RTL10: variants seen among roughly 807,000 people sequenced by gnomAD.
RTL10 encodes protein Bop.
For synonymous variants in RTL10, 199 were observed against 188.4 expected (o/e 1.06, Z -0.46); for missense variants, 477 against 470.7 (o/e 1.01, Z -0.12).
rs916772369 is a variant in RTL10, at chr22:19,846,541, G to A, written c.*4626C>T. On this transcript the variant is annotated 3_prime_UTR_variant, in exon 3 of 3. Transcript: ENST00000328554. ...ATATAGCGCTGCCAGGAACAGCAAAGACAAAACCAGAGAAGCCTATCGCGG... is the reference window on the plus strand; with the variant it reads ...ATATAGCGCTGCCAGGAACAGCAAAAACAAAACCAGAGAAGCCTATCGCGG... 2.0e-6 allele frequency: 2 copies of A among 985,402 alleles called. No homozygotes were observed. Among genetic ancestry groups the A allele is most frequent in the Non-Finnish European group, 2.4e-6 (2 of 829,986 alleles). 61.0% of individuals were successfully genotyped at this position (985,402 alleles called of 1,614,324 possible).
At position 19,846,850 on chromosome 22, in the gene RTL10, T is replaced by G; in HGVS notation, c.*4317A>C. 1.4e-5 allele frequency: 12 copies of G among 880,044 alleles called. No homozygotes were observed. Among genetic ancestry groups the G allele is most frequent in the East Asian group, 1.2e-4 (1 of 8,320 alleles). The allele number at this position is 880,044 out of a possible 1,614,324, so 54.5% of individuals were successfully genotyped here. ...TCTCAGGCTTCTAGCTCCAGAATCA[T>G]GAGGAAATGTCTGTTGTTTAAGTCC... On this transcript the variant is annotated 3_prime_UTR_variant, in exon 3 of 3. Coordinates refer to ENST00000328554, the MANE Select transcript of RTL10 (RefSeq NM_024627.6).
rs182295773 is a variant in RTL10, at chr22:19,851,718, G to C, written c.544C>G (p.Pro182Ala). The C allele has an allele frequency of 1.9e-6, 3 of 1,604,286 alleles. No homozygotes were observed. The highest frequency in any genetic ancestry group is 2.6e-6 in the Non-Finnish European group (3 of 1,173,104). ...GCATGGTACTCAGCAAAACTGTTCGGGTCTTGAACAACTTCCTTGAGATCC... is the reference window on the plus strand; with the variant it reads ...GCATGGTACTCAGCAAAACTGTTCGCGTCTTGAACAACTTCCTTGAGATCC... ...CQDLKEVVQD[P>A]NSFAEYHAVV... is the part of the protein sequence containing the mutation. Residue 182 changes from proline to alanine, a missense_variant, in exon 3 of 3, where the codon CCG becomes GCG. Coordinates refer to ENST00000328554, the MANE Select transcript of RTL10 (RefSeq NM_024627.6).
In RTL10 at chr22:19,851,310, G is replaced by A; in HGVS notation, c.952C>T (p.His318Tyr). The A allele has an allele frequency of 6.2e-7, 1 of 1,614,084 alleles. No individual in the cohort carries two copies. The highest frequency in any genetic ancestry group is 8.5e-7 in the Non-Finnish European group (1 of 1,179,982). ...TTCTGGGGTTTTGGACCTCCTGGAT[G>A]AGCTGGGTCTGGTCTCTGGGCAGGA... is the stretch of plus-strand genomic sequence containing the variant. ...NPPAQRPDPAHPGGPKPQKTE... is the reference protein window; with the variant it reads ...NPPAQRPDPAYPGGPKPQKTE... The change falls in exon 3 of 3, where the codon CAT becomes TAT. Residue 318 changes from histidine (H) to tyrosine (Y), a missense_variant. His to Tyr is a moderately conservative substitution (Grantham distance 83). Transcript: ENST00000328554.
chr22:19,847,190 G>C lies in RTL10; in HGVS notation c.*3977C>G. On this transcript the variant is annotated 3_prime_UTR_variant, in exon 3 of 3. Coordinates refer to ENST00000328554, the MANE Select transcript of RTL10 (RefSeq NM_024627.6). ...ATGGAGAAATATGTCCAGGTAGGCTGTCGTCAGCACAGGTCTGACAGGCCC... is the reference window on the plus strand; with the variant it reads ...ATGGAGAAATATGTCCAGGTAGGCTCTCGTCAGCACAGGTCTGACAGGCCC... 1 of 985,444 alleles carries C rather than the reference G, an allele frequency of 1.0e-6. No individual in the cohort carries two copies. The highest frequency in any genetic ancestry group is 1.2e-6 in the Non-Finnish European group (1 of 829,948). 61.0% of individuals were successfully genotyped at this position (985,444 alleles called of 1,614,324 possible).
At position 19,851,225 on chromosome 22, in the gene RTL10, TG is replaced by T. The variant is rs1938087513; in HGVS notation, c.1036del (p.Gln346ArgfsTer39). The part of the protein sequence containing the change: ...GDQEVSLGTP[Q>X]EVVEAPETPG... Reference sequence around the variant, plus strand: ...GGTCTCCGGGGCCTCCACCACCTCCTGTGGGGTACCTAAGGACACCTCCTGG... The same window carrying T: ...GGTCTCCGGGGCCTCCACCACCTCCTTGGGGTACCTAAGGACACCTCCTGG... On this transcript the variant is annotated frameshift_variant, in exon 3 of 3. Coordinates refer to ENST00000328554, the MANE Select transcript of RTL10 (RefSeq NM_024627.6). LOFTEE classifies it low-confidence loss of function (END_TRUNC). 1.3e-6 allele frequency: 2 copies of T among 1,599,616 alleles called. No homozygotes were observed. The highest frequency in any genetic ancestry group is 2.7e-5 in the African/African-American group (2 of 74,768).
In RTL10 at chr22:19,851,614, T is replaced by A. The variant is rs1480336303; in HGVS notation, c.648A>T (p.Leu216Phe). Residue 216 changes from leucine to phenylalanine, a missense_variant, in exon 3 of 3, where the codon TTA becomes TTT. By Grantham distance (22) the Leu-to-Phe change is conservative. Transcript: ENST00000328554. ...APQLPVVRQYLARFLEGLALD... is the reference protein window; with the variant it reads ...APQLPVVRQYFARFLEGLALD... ...GTGCCAGGCCCTCTAAGAACCTAGC[T>A]AAGTATTGCCTCACCACAGGCAGCT... 1.9e-6 allele frequency: 3 copies of A among 1,595,686 alleles called. No individual in the cohort carries two copies. Among genetic ancestry groups the A allele is most frequent in the Non-Finnish European group, 1.7e-6 (2 of 1,169,350 alleles).
In RTL10 at chr22:19,854,828, C is replaced by G. The variant is rs1005407672; in HGVS notation, c.-491G>C. 6.6e-6 allele frequency: 1 copy of G among 152,288 alleles called. No homozygotes were observed. Among genetic ancestry groups the G allele is most frequent in the African/African-American group, 2.4e-5 (1 of 41,458 alleles). 9.4% of individuals were successfully genotyped at this position (152,288 alleles called of 1,614,324 possible). On this transcript the variant is annotated 5_prime_UTR_variant, in exon 1 of 3. Coordinates refer to ENST00000328554, the MANE Select transcript of RTL10 (RefSeq NM_024627.6). Reference sequence around the variant, plus strand: ...CCCGCCTCCACACTGACCCTCTTGCCGGAGTCGGGAACGCCTGCTCCTAGG... The same window carrying G: ...CCCGCCTCCACACTGACCCTCTTGCGGGAGTCGGGAACGCCTGCTCCTAGG...
rs764831070 is a variant in RTL10 at position 19,852,299 on chromosome 22, T to C, written c.-38A>G. 1 of 1,564,336 alleles carries C rather than the reference T, an allele frequency of 6.4e-7. No individual in the cohort carries two copies. The highest frequency in any genetic ancestry group is 8.7e-7 in the Non-Finnish European group (1 of 1,151,920). On this transcript the variant is annotated 5_prime_UTR_variant, in exon 3 of 3. Transcript: ENST00000328554. ...GGGGAGAAGAGAGGAGAGCCAGCACTGGTGGGTGGTGGGGGTGTGGACAGA... is the reference window on the plus strand; with the variant it reads ...GGGGAGAAGAGAGGAGAGCCAGCACCGGTGGGTGGTGGGGGTGTGGACAGA...
At position 19,850,724 on chromosome 22, in the gene RTL10, A is replaced by G; in HGVS notation, c.*443T>C. 8.1e-7 allele frequency: 1 copy of G among 1,236,922 alleles called. No individual in the cohort carries two copies. Among genetic ancestry groups the G allele is most frequent in the Non-Finnish European group, 1.0e-6 (1 of 991,828 alleles). 76.6% of individuals were successfully genotyped at this position (1,236,922 alleles called of 1,614,324 possible). A position where few individuals can be genotyped will look rare whatever the true frequency, so the allele number is the denominator to read the frequency against. ...AGAGGGTGGGGCTAGGGGGACAGAC[A>G]CAGAAACCCCATACAGGAACGAGGT... On this transcript the variant is annotated 3_prime_UTR_variant, in exon 3 of 3. Coordinates refer to ENST00000328554, the MANE Select transcript of RTL10 (RefSeq NM_024627.6).
chr22:19,846,875 C>T lies in RTL10; in HGVS notation c.*4292G>A, dbSNP rs1937974220. The T allele has an allele frequency of 2.1e-6, 2 of 948,830 alleles. No homozygotes were observed. Among genetic ancestry groups the T allele is most frequent in the African/African-American group, 1.8e-5 (1 of 56,618 alleles). 58.8% of individuals were successfully genotyped at this position (948,830 alleles called of 1,614,324 possible). A position where few individuals can be genotyped will look rare whatever the true frequency, so the allele number is the denominator to read the frequency against. On this transcript the variant is annotated 3_prime_UTR_variant, in exon 3 of 3. Transcript: ENST00000328554. ...TGAGGAAATGTCTGTTGTTTAAGTC[C>T]CCTAGCCTGCGGTCCTTTGTCAGGC...
At chr22:19,853,004 G>A (rs1197265161) in intron 2 of RTL10, among the ~76,000 whole-genome samples, 3 of 152,156 alleles carry the variant, frequency 2.0e-5, no homozygotes, top group African/African-American at 4.8e-5. Context: ...CGCACAGACC[G>A]CGTCGTCATT....
In RTL10 at chr22:19,850,224, G is replaced by A. The variant is rs1743374180; in HGVS notation, c.*943C>T. 1.0e-6 allele frequency: 1 copy of A among 985,730 alleles called. No homozygotes were observed. Among genetic ancestry groups the A allele is most frequent in the Non-Finnish European group, 1.2e-6 (1 of 830,176 alleles). The allele number at this position is 985,730 out of a possible 1,614,324, so 61.1% of individuals were successfully genotyped here. A position where few individuals can be genotyped will look rare whatever the true frequency, so the allele number is the denominator to read the frequency against. Reference sequence around the variant, plus strand: ...AAAGACTTGCTGGTAGGCAGCCACTGCACCACCTCAGCCAGTAATCCAACA... The same window carrying A: ...AAAGACTTGCTGGTAGGCAGCCACTACACCACCTCAGCCAGTAATCCAACA... On this transcript the variant is annotated 3_prime_UTR_variant, in exon 3 of 3. Transcript: ENST00000328554.
intron 1 of RTL10, 26 bp from the exon 2 acceptor site, chr22:19,854,565 C>T (rs1432046807): frequency 6.5e-6 from 1 of 152,758 alleles, no homozygotes; most frequent in Non-Finnish European, 1.5e-5. Context: ...CGAGATCGGC[C>T]GCCGTGAGGC....
At position 19,846,401 on chromosome 22, in the gene RTL10, C is replaced by A; in HGVS notation, c.*4766G>T. ...CAGCATCCCATACAGCACAACTGGG[C>A]ACTGCCTACTCAACAGCCAAGGCTT... On this transcript the variant is annotated 3_prime_UTR_variant, in exon 3 of 3. Transcript: ENST00000328554. 1.0e-6 allele frequency: 1 copy of A among 984,456 alleles called. No homozygotes were observed. Among genetic ancestry groups the A allele is most frequent in the Non-Finnish European group, 1.2e-6 (1 of 829,032 alleles). 61.0% of individuals were successfully genotyped at this position (984,456 alleles called of 1,614,324 possible).
chr22:19,852,631 G>T, intron 2 of RTL10, 145 bp from the exon 3 acceptor site: 1 of 258,092 alleles, frequency 3.9e-6, no homozygotes. Context: ...GCTGGCCTGG[G>T]AGGTCTGAGG....
At position 19,852,002 on chromosome 22, in the gene RTL10, GGCATGTGCCCAGCTAGGGGACCCCTTTCT is replaced by G. The variant is rs749210247; in HGVS notation, c.231_259del (p.Glu78GlnfsTer21). On this transcript the variant is annotated frameshift_variant, in exon 3 of 3. Coordinates refer to ENST00000328554, the MANE Select transcript of RTL10 (RefSeq NM_024627.6). LOFTEE classifies it low-confidence loss of function (END_TRUNC). Reference sequence around the variant, plus strand: ...GTCCACCCTGTGGGGTCGGGAGCTGGGCATGTGCCCAGCTAGGGGACCCCTTTCTGCAGGTTTACCGCCACAAGTGCCAC... The same window carrying G: ...GTCCACCCTGTGGGGTCGGGAGCTGGGCAGGTTTACCGCCACAAGTGCCAC... 6 of 1,614,078 alleles carry G rather than the reference GGCATGTGCCCAGCTAGGGGACCCCTTTCT, an allele frequency of 3.7e-6. No individual in the cohort carries two copies. The Admixed American group carries it at 6.7e-5, about 18-fold the overall frequency.
Position 19,846,885 on chromosome 22 carries a change from C to T in RTL10, c.*4282G>A, listed in dbSNP as rs140274785. On this transcript the variant is annotated 3_prime_UTR_variant, in exon 3 of 3. Coordinates refer to ENST00000328554, the MANE Select transcript of RTL10 (RefSeq NM_024627.6). ...TCTGTTGTTTAAGTCCCCTAGCCTG[C>T]GGTCCTTTGTCAGGCAGCCCCAGCA... 2.9e-3 allele frequency: 2,824 copies of T among 965,892 alleles called. 39 individuals carry two copies. In the South Asian group the frequency reaches 0.045, roughly 15 times the overall value. The allele number at this position is 965,892 out of a possible 1,614,324, so 59.8% of individuals were successfully genotyped here.
At position 19,848,158 on chromosome 22, in the gene RTL10, C is replaced by T. The variant is rs1020615941; in HGVS notation, c.*3009G>A. 1 of 985,304 alleles carries T rather than the reference C, an allele frequency of 1.0e-6. No homozygotes were observed. The highest frequency in any genetic ancestry group is 1.2e-6 in the Non-Finnish European group (1 of 829,820). The allele number at this position is 985,304 out of a possible 1,614,324, so 61.0% of individuals were successfully genotyped here. A position where few individuals can be genotyped will look rare whatever the true frequency, so the allele number is the denominator to read the frequency against. On this transcript the variant is annotated 3_prime_UTR_variant, in exon 3 of 3. Coordinates refer to ENST00000328554, the MANE Select transcript of RTL10 (RefSeq NM_024627.6). ...CCTATTTTAAAGTTTTCCTTGCAGA[C>T]AGGTACTTTAAATACCATCTCACAG...
rs191288017 is a variant in RTL10 at position 19,847,609 on chromosome 22, G to A, written c.*3558C>T. The A allele has an allele frequency of 2.2e-4, 214 of 979,826 alleles. No homozygotes were observed. The African/African-American group carries it at 3.1e-3, about 14-fold the overall frequency. 60.7% of individuals were successfully genotyped at this position (979,826 alleles called of 1,614,324 possible). ...AGTCCCTGCTCTAAACCCCCATGTA[G>A]TGGTACCGAACCATGACCACCCCTG... On this transcript the variant is annotated 3_prime_UTR_variant, in exon 3 of 3. Coordinates refer to ENST00000328554, the MANE Select transcript of RTL10 (RefSeq NM_024627.6).
Sources: allele counts gnomAD v4.1 joint callset (sites outside exome capture counted in the v4.1 genomes callset), GRCh38; gene constraint gnomAD v4.1.1; transcripts MANE v1.5; gene names NCBI Gene and HGNC (gene_info 2026-07-23, HGNC 2026-07-21).